The following CADM1 variants were observed in gnomAD, a reference collection of about 807,000 sequenced individuals.
CADM1 encodes the protein TSLC-1.
CADM1 carries 15 observed loss-of-function variants against 53.1 expected under a neutral mutation model. That is an observed-to-expected ratio of 0.28 (90% confidence interval 0.19 to 0.44). CADM1 has a LOEUF of 0.44. Ranked by LOEUF, CADM1 falls within the 20% of genes least tolerant of loss-of-function variation. CADM1 has a pLI of 1.00. For missense variants in CADM1, 434 were observed against 611.3 expected (o/e 0.71, Z 3.06); for synonymous variants, 281 against 243.0 (o/e 1.16, Z -1.45).
intron 1 of CADM1, among the ~76,000 whole-genome samples, chr11:115,280,035 T>C (rs568990503): frequency 6.6e-6 from 1 of 152,350 alleles, no homozygotes; most frequent in East Asian, 1.9e-4. Flanking sequence ...ATCAAGCCAC[T>C]GGATTTAATC....
At chr11:115,305,030 C>T (rs953331803) in intron 1 of CADM1, among the ~76,000 whole-genome samples, 1 of 152,030 alleles carries the variant, frequency 6.6e-6, no homozygotes, top group Admixed American at 6.6e-5. Context: ...CAGACTGTCT[C>T]AACCATGCAC....
chr11:115,341,589 G>A (rs183684779), intron 1 of CADM1, among the ~76,000 whole-genome samples: 1 of 152,200 alleles, frequency 6.6e-6, no homozygotes, highest in East Asian at 1.9e-4. Flanking sequence ...TTTTTGCTCA[G>A]GAGATAAAAC....
chr11:115,469,669 C>CTTTTTTT (rs554156174), intron 1 of CADM1, among the ~76,000 whole-genome samples: 4 of 100,474 alleles, frequency 4.0e-5, no homozygotes, highest in Non-Finnish European at 7.4e-5. Context: ...AACTTCTGGG[C>CTTTTTTT]TTTTTTTTTT....
At chr11:115,190,583 A>G in intron 10 of CADM1, 1 of 291,876 alleles carries the variant, frequency 3.4e-6, no homozygotes, top group Non-Finnish European at 6.3e-6. Flanking sequence ...CCGACACATT[A>G]TATATCTAGG....
intron 1 of CADM1, among the ~76,000 whole-genome samples, chr11:115,281,249 A>G (rs1231790163): frequency 5.3e-5 from 8 of 152,210 alleles, no homozygotes; most frequent in Non-Finnish European, 1.0e-4. Flanking sequence ...AAACTTATCC[A>G]GAGCGTAGGA....
At chr11:115,235,012 A>G (rs10502200) in intron 3 of CADM1, among the ~76,000 whole-genome samples, 16,513 of 151,972 alleles carry the variant, frequency 0.11, 1,637 homozygotes, top group East Asian at 0.44. Context: ...CAAGCCCATA[A>G]ATAGTTTTCT....
intron 1 of CADM1, among the ~76,000 whole-genome samples, chr11:115,263,898 T>C (rs1453668896): frequency 2.0e-5 from 3 of 152,204 alleles, no homozygotes; most frequent in Non-Finnish European, 4.4e-5. Context: ...AGAACAACGA[T>C]AGCAAAAGAG....
chr11:115,274,119 A>G (rs1296538433), intron 1 of CADM1, among the ~76,000 whole-genome samples: 1 of 152,256 alleles, frequency 6.6e-6, no homozygotes, highest in East Asian at 1.9e-4. Flanking sequence ...ATGTGAATTC[A>G]TCTAGATAAG....
intron 3 of CADM1, among the ~76,000 whole-genome samples, chr11:115,232,542 C>T (rs556470585): frequency 6.6e-6 from 1 of 152,304 alleles, no homozygotes; most frequent in South Asian, 2.1e-4. Context: ...AGAATTACAA[C>T]CACCCTTCTG....
At chr11:115,187,370 G>A (rs1565285359) in intron 10 of CADM1, among the ~76,000 whole-genome samples, 1 of 151,996 alleles carries the variant, frequency 6.6e-6, no homozygotes, top group African/African-American at 2.4e-5. Context: ...CCCACCTCCG[G>A]GACTGATAAT....
chr11:115,371,993 C>T (rs1323308527), intron 1 of CADM1, among the ~76,000 whole-genome samples: 8 of 152,230 alleles, frequency 5.3e-5, no homozygotes, highest in Middle Eastern at 3.4e-3. Context: ...ATACCTAAAA[C>T]CTTGGCAATG....
At chr11:115,449,056 T>A (rs938755545) in intron 1 of CADM1, among the ~76,000 whole-genome samples, 3 of 152,158 alleles carry the variant, frequency 2.0e-5, no homozygotes, top group Non-Finnish European at 2.9e-5. Context: ...AAATATCTCA[T>A]CATCTTTTAT....
Position 115,206,758 on chromosome 11 carries a change from C to CTTTTTTTTTTTTTTTTTTT in CADM1, c.1078+2797_1078+2815dup, listed in dbSNP as rs56270694. ...AAAAGAAATAGATGACTGTGGACTTCTTTTTTTTTTTTTTTTTTTTTTTTT... is the reference window on the plus strand; with the variant it reads ...AAAAGAAATAGATGACTGTGGACTTCTTTTTTTTTTTTTTTTTTTTTTTTTTTTTTTTTTTTTTTTTTTT... On this transcript the variant is annotated intron_variant, in intron 8 of 11. Coordinates refer to ENST00000331581, the MANE Select transcript of CADM1 (RefSeq NM_001301043.2). Among the ~76,000 whole-genome samples the CTTTTTTTTTTTTTTTTTTT allele has an allele frequency of 2.3e-3, 89 of 38,226 alleles. 34 individuals carry two copies. Among genetic ancestry groups the CTTTTTTTTTTTTTTTTTTT allele is most frequent in the East Asian group, 0.014 (10 of 716 alleles). The allele number at this position is 38,226 out of a possible 152,430, so 25.1% of individuals were successfully genotyped here. A position where few individuals can be genotyped will look rare whatever the true frequency, so the allele number is the denominator to read the frequency against.
At position 115,170,368 on chromosome 11, in the gene CADM1, T is replaced by G. The variant is rs1402034643; in HGVS notation, c.*6106A>C. The G allele has an allele frequency of 6.6e-6, 1 of 152,198 alleles. No individual in the cohort carries two copies. Among genetic ancestry groups the G allele is most frequent in the Non-Finnish European group, 1.5e-5 (1 of 68,052 alleles). The allele number at this position is 152,198 out of a possible 1,614,324, so 9.4% of individuals were successfully genotyped here. On this transcript the variant is annotated 3_prime_UTR_variant, in exon 12 of 12. Coordinates refer to ENST00000331581, the MANE Select transcript of CADM1 (RefSeq NM_001301043.2). Reference sequence around the variant, plus strand: ...TTCCTTGTTGGAATACATTCTGCATTTCAATAGGCAAGGCTCGAGTTGTAT... The same window carrying G: ...TTCCTTGTTGGAATACATTCTGCATGTCAATAGGCAAGGCTCGAGTTGTAT...
chr11:115,244,826 A>G (rs1197186705), intron 1 of CADM1, among the ~76,000 whole-genome samples: 1 of 152,192 alleles, frequency 6.6e-6, no homozygotes, highest in Non-Finnish European at 1.5e-5. Flanking sequence ...ACACTTTAAG[A>G]TGAGAGAGAA....
At chr11:115,242,257 C>A (rs1391790476) in intron 1 of CADM1, among the ~76,000 whole-genome samples, 2 of 150,958 alleles carry the variant, frequency 1.3e-5, no homozygotes, top group African/African-American at 4.9e-5. Context: ...AGGGTAAATT[C>A]CCGAAAGCTT....
chr11:115,206,817 G>A (rs977036786), intron 8 of CADM1, among the ~76,000 whole-genome samples: 2 of 79,768 alleles, frequency 2.5e-5, no homozygotes, highest in African/African-American at 4.8e-5. Flanking sequence ...TACTGTCACC[G>A]AATTTGGCTG....
chr11:115,458,468 G>A (rs1948725315), intron 1 of CADM1, among the ~76,000 whole-genome samples: 1 of 149,196 alleles, frequency 6.7e-6, no homozygotes, highest in Non-Finnish European at 1.5e-5. Context: ...TTGGCAGGCA[G>A]TAGGTATTCC....
At chr11:115,465,349 G>A (rs563394800) in intron 1 of CADM1, among the ~76,000 whole-genome samples, 2 of 152,130 alleles carry the variant, frequency 1.3e-5, no homozygotes, top group Admixed American at 6.5e-5. Context: ...TCCATATGAT[G>A]AACTTACTGG....
Sources: allele counts gnomAD v4.1 joint callset (sites outside exome capture counted in the v4.1 genomes callset), GRCh38; gene constraint gnomAD v4.1.1; transcripts MANE v1.5; gene names NCBI Gene and HGNC (gene_info 2026-07-23, HGNC 2026-07-21).